The following GABRB2 variants were observed in gnomAD, a reference collection of about 807,000 sequenced individuals.
The protein encoded by GABRB2 is gamma-aminobutyric acid receptor subunit beta-2.
Under a neutral mutation model 54.7 loss-of-function variants are expected in GABRB2, and 16 were observed. The ratio of observed to expected loss-of-function variants is 0.29; its 90% CI spans 0.20 to 0.44. GABRB2 has a LOEUF of 0.44. Among genes scored for constraint, GABRB2 ranks in the 20% least tolerant of loss-of-function variants. The pLI, the probability that GABRB2 is intolerant of heterozygous loss-of-function variation, is 1.00. For missense variants in GABRB2, 355 were observed against 644.0 expected (o/e 0.55, Z 4.86); for synonymous variants, 244 against 233.8 (o/e 1.04, Z -0.40).
chr5:161,330,900 G>T lies in GABRB2; in HGVS notation c.1060C>A (p.Arg354Ser), dbSNP rs41298406. Residue 354 changes from arginine to serine, a missense_variant, in exon 8 of 10, where the codon CGC (arginine) becomes AGC (serine). Arg to Ser is a moderately radical substitution (Grantham distance 110). Coordinates refer to ENST00000393959, the MANE Select transcript of GABRB2 (RefSeq NM_001371727.1). ...KAASANNEKMRLDVNKIFYKD... is the reference protein window; with the variant it reads ...KAASANNEKMSLDVNKIFYKD... ...GAATTTACCTTGTTGACATCCAGGC[G>T]CATCTTCTCATTGTTGGCACTGGCA... 2 of 1,614,222 alleles carry T rather than the reference G, an allele frequency of 1.2e-6. No individual in the cohort carries two copies. Among genetic ancestry groups the T allele is most frequent in the Admixed American group, 3.3e-5 (2 of 60,030 alleles).
chr5:161,447,770 C>A (rs1345890675), intron 4 of GABRB2, among the ~76,000 whole-genome samples: 2 of 152,164 alleles, frequency 1.3e-5, no homozygotes, highest in East Asian at 3.8e-4. Flanking sequence ...AGTCTTTTAA[C>A]AAACATTTTT....
intron 5 of GABRB2, among the ~76,000 whole-genome samples, chr5:161,371,220 C>T (rs1486663007): frequency 6.6e-6 from 1 of 152,006 alleles, no homozygotes; most frequent in Non-Finnish European, 1.5e-5. Context: ...GGCAGAAACT[C>T]TCTTGAAAAT....
At chr5:161,509,335 A>G (rs1247402755) in intron 3 of GABRB2, among the ~76,000 whole-genome samples, 3 of 151,970 alleles carry the variant, frequency 2.0e-5, no homozygotes, top group Admixed American at 6.6e-5. Context: ...CAGTCCAGCA[A>G]TATCAATTAA....
At chr5:161,426,568 G>T (rs555165303) in intron 4 of GABRB2, among the ~76,000 whole-genome samples, 1 of 152,116 alleles carries the variant, frequency 6.6e-6, no homozygotes, top group East Asian at 1.9e-4. Flanking sequence ...AACACAAGAT[G>T]AAATGAAGAA....
intron 3 of GABRB2, among the ~76,000 whole-genome samples, chr5:161,464,745 A>G (rs936582461): frequency 6.6e-6 from 1 of 152,176 alleles, no homozygotes; most frequent in Admixed American, 6.6e-5. Flanking sequence ...TATAAGCAAT[A>G]TCATTAATGG....
chr5:161,490,408 C>T (rs562571864), intron 3 of GABRB2, among the ~76,000 whole-genome samples: 46 of 151,692 alleles, frequency 3.0e-4, no homozygotes, highest in Middle Eastern at 3.4e-3. Flanking sequence ...TACAGTTTAT[C>T]ACCAATGTGA....
At chr5:161,393,299 TAAAAAAAAAAAAAAAAAAAAAAAAAA>T (rs533308700) in intron 5 of GABRB2, among the ~76,000 whole-genome samples, 1,081 of 40,338 alleles carry the variant, frequency 0.027, 32 homozygotes, top group African/African-American at 0.085. Context: ...TTTAAAAATG[TAAAAAAAAAAAAAAAAAAAAAAAAAA>T]AAAAAAAAAA....
At chr5:161,503,136 T>C (rs72813594) in intron 3 of GABRB2, among the ~76,000 whole-genome samples, 3 of 151,752 alleles carry the variant, frequency 2.0e-5, no homozygotes, top group African/African-American at 7.2e-5. Flanking sequence ...TTATTGTTTT[T>C]TTTTTTCCAG....
At chr5:161,379,594 C>A (rs1224326060) in intron 5 of GABRB2, among the ~76,000 whole-genome samples, 3 of 152,128 alleles carry the variant, frequency 2.0e-5, no homozygotes, top group Non-Finnish European at 4.4e-5. Flanking sequence ...TTCGCCTCTT[C>A]AGGTGCTGAA....
In GABRB2 at chr5:161,402,309, A is replaced by G. The variant is rs1021825370; in HGVS notation, c.541+8666T>C. 2.0e-5 allele frequency among the ~76,000 whole-genome samples: 3 copies of G among 152,138 alleles called. No individual in the cohort carries two copies. In the South Asian group the frequency reaches 6.2e-4, roughly 31 times the overall value. On this transcript the variant is annotated intron_variant, in intron 5 of 9. Transcript: ENST00000393959. ...TATTTCAGAAAATAAGATATATGTG[A>G]TAATACTCTTAAATTTTTTAAATGA... is the stretch of plus-strand genomic sequence containing the variant.
At chr5:161,410,069 A>G (rs1756462003) in intron 5 of GABRB2, among the ~76,000 whole-genome samples, 1 of 152,090 alleles carries the variant, frequency 6.6e-6, no homozygotes, top group Non-Finnish European at 1.5e-5. Flanking sequence ...CTCCTCATAA[A>G]GGCTAAGAGT....
intron 1 of GABRB2, 50 bp downstream of exon 1, chr5:161,546,517 C>T (rs1371967589): frequency 6.4e-7 from 1 of 1,574,616 alleles, no homozygotes; most frequent in Non-Finnish European, 8.7e-7. Flanking sequence ...GGTATGCAGA[C>T]AGAACCCTTC....
chr5:161,523,298 A>G (rs533976308), intron 3 of GABRB2, among the ~76,000 whole-genome samples: 6 of 151,704 alleles, frequency 4.0e-5, no homozygotes, highest in African/African-American at 1.4e-4. Context: ...AGTTTTAAGA[A>G]AAAATTCCTG....
rs1057504207 is a variant in GABRB2 at position 161,492,811 on chromosome 5, C to T, written c.238-32967G>A. Among the ~76,000 whole-genome samples, 8 of 151,716 alleles carry T rather than the reference C, an allele frequency of 5.3e-5. No individual in the cohort carries two copies. In the South Asian group the frequency reaches 6.2e-4, roughly 12 times the overall value. On this transcript the variant is annotated intron_variant, in intron 3 of 9. Coordinates refer to ENST00000393959, the MANE Select transcript of GABRB2 (RefSeq NM_001371727.1). ...GTTTAGCTCCACAGGCATTTTCACTCTATGATAGATCTCAGACATCTTTCA... is the reference window on the plus strand; with the variant it reads ...GTTTAGCTCCACAGGCATTTTCACTTTATGATAGATCTCAGACATCTTTCA...
intron 5 of GABRB2, among the ~76,000 whole-genome samples, chr5:161,341,021 A>C (rs929370861): frequency 6.6e-6 from 1 of 152,050 alleles, no homozygotes; most frequent in Admixed American, 6.6e-5. Context: ...GCTAACCAAG[A>C]ATAGAAGATT....
chr5:161,500,941 G>A (rs62381576), intron 3 of GABRB2, among the ~76,000 whole-genome samples: 20 of 151,880 alleles, frequency 1.3e-4, no homozygotes, highest in African/African-American at 3.6e-4. Context: ...CCACTAACTC[G>A]TCATCTAGCA....
At chr5:161,516,674 A>G (rs1759960824) in intron 3 of GABRB2, among the ~76,000 whole-genome samples, 1 of 152,196 alleles carries the variant, frequency 6.6e-6, no homozygotes, top group South Asian at 2.1e-4. Context: ...AAGTTTATAA[A>G]TCAATGGATT....
intron 3 of GABRB2, among the ~76,000 whole-genome samples, chr5:161,487,495 A>G (rs1758963515): frequency 1.3e-5 from 2 of 151,856 alleles, no homozygotes; most frequent in Admixed American, 1.3e-4. Context: ...AAAGGGAAAC[A>G]CTCAAATTCA....
At chr5:161,491,195 T>G (rs1470015015) in intron 3 of GABRB2, among the ~76,000 whole-genome samples, 2 of 151,632 alleles carry the variant, frequency 1.3e-5, no homozygotes, top group Non-Finnish European at 3.0e-5. Flanking sequence ...AAGTTTCCTA[T>G]GTATGATGCA....
Sources: gnomAD v4.1 joint callset for allele counts (sites outside exome capture counted in the v4.1 genomes callset) on GRCh38, gnomAD v4.1.1 for gene constraint, MANE v1.5 for transcripts, NCBI Gene and HGNC (gene_info 2026-07-23, HGNC 2026-07-21) for gene names.